Variants in KIAA1217 observed in about 807,000 individuals in gnomAD.
The protein encoded by KIAA1217 is KIAA1217.
In KIAA1217, 88 loss-of-function variants were observed where a neutral mutation model predicts 163.9. The observed-to-expected ratio is 0.54, with a 90% CI of 0.45 to 0.64. The LOEUF is 0.64. Among genes scored for constraint, KIAA1217 ranks in the 30% least tolerant of loss-of-function variants. KIAA1217 has a pLI of 0.00. For synonymous variants in KIAA1217, 903 were observed against 923.1 expected, an observed-to-expected ratio of 0.98 and a Z score of 0.39; for missense variants, 2,372 against 2,475.0, an observed-to-expected ratio of 0.96 and a Z score of 0.88.
intron 2 of KIAA1217, among the ~76,000 whole-genome samples, chr10:24,270,916 A>G (rs189143955): frequency 6.6e-6 from 1 of 152,292 alleles, no homozygotes; most frequent in African/African-American, 2.4e-5. Context: ...TCATACAGCA[A>G]TATTTTTTTG....
chr10:24,079,078 C>G (rs1020451183), intron 2 of KIAA1217, among the ~76,000 whole-genome samples: 1 of 152,226 alleles, frequency 6.6e-6, no homozygotes, highest in African/African-American at 2.4e-5. Context: ...AGAGCAGGAC[C>G]TTTCAAACCT....
chr10:23,895,022 TA>T (rs1448954267), intron 1 of KIAA1217, among the ~76,000 whole-genome samples: 3 of 152,114 alleles, frequency 2.0e-5, no homozygotes, highest in Non-Finnish European at 4.4e-5. Flanking sequence ...ACGTTGGACC[TA>T]AAACCATAAA....
intron 1 of KIAA1217, among the ~76,000 whole-genome samples, chr10:23,776,679 C>CTTTTT (rs34656346): frequency 3.4e-5 from 4 of 117,914 alleles, no homozygotes; most frequent in Admixed American, 9.2e-5. Flanking sequence ...ACTGTGGGTA[C>CTTTTT]TTTTTTTTTT....
chr10:23,804,067 G>A (rs561376074), intron 1 of KIAA1217, among the ~76,000 whole-genome samples: 11 of 152,150 alleles, frequency 7.2e-5, no homozygotes, highest in East Asian at 3.9e-4. Flanking sequence ...AAATATAGGC[G>A]TATGGGCAAA....
chr10:24,452,812 A>G (rs1009588000), intron 5 of KIAA1217, among the ~76,000 whole-genome samples: 1 of 152,312 alleles, frequency 6.6e-6, no homozygotes, highest in Admixed American at 6.5e-5. Context: ...GTTGTAACAC[A>G]AAGGATAAAT....
chr10:23,812,251 T>A (rs1301137961), intron 1 of KIAA1217, among the ~76,000 whole-genome samples: 3 of 152,214 alleles, frequency 2.0e-5, no homozygotes, highest in Non-Finnish European at 4.4e-5. Flanking sequence ...TAAGAAATGA[T>A]AATACACATT....
intron 2 of KIAA1217, among the ~76,000 whole-genome samples, chr10:24,064,820 C>T (rs184247944): frequency 2.0e-3 from 305 of 152,254 alleles, no homozygotes; most frequent in Middle Eastern, 6.8e-3. Flanking sequence ...AATTTCAGAG[C>T]CTGTTATTGG....
At chr10:24,300,567 A>T (rs150554471) in intron 2 of KIAA1217, among the ~76,000 whole-genome samples, 2 of 151,984 alleles carry the variant, frequency 1.3e-5, no homozygotes, top group African/African-American at 4.8e-5. Flanking sequence ...TGGCGTCTGC[A>T]TTCTTTTATT....
rs375697958 is a variant in KIAA1217, at chr10:24,400,962, TACAC to T, written c.553+19929_553+19932del. The stretch of plus-strand genomic sequence containing the variant: ...AACACAAAATTCCAAGCAAGAAACA[TACAC>T]ACACACACACACACACACACACACA... On this transcript the variant is annotated intron_variant, in intron 3 of 20. Coordinates refer to ENST00000376454, the MANE Select transcript of KIAA1217 (RefSeq NM_019590.5). Among the ~76,000 whole-genome samples, 597 of 117,148 alleles carry T rather than the reference TACAC, an allele frequency of 5.1e-3. 9 individuals carry two copies. Among genetic ancestry groups the T allele is most frequent in the African/African-American group, 0.017 (523 of 30,178 alleles). The allele number at this position is 117,148 out of a possible 152,430, so 76.9% of individuals were successfully genotyped here.
intron 2 of KIAA1217, among the ~76,000 whole-genome samples, chr10:24,234,248 G>T (rs898537954): frequency 6.0e-5 from 9 of 150,652 alleles, no homozygotes; most frequent in Non-Finnish European, 8.8e-5. Context: ...TGGTAGCTAT[G>T]TACTGCAAAT....
intron 17 of KIAA1217, among the ~76,000 whole-genome samples, chr10:24,540,351 G>A (rs552120992): frequency 6.9e-4 from 105 of 152,048 alleles, no homozygotes; most frequent in African/African-American, 2.2e-3. Flanking sequence ...CTCCTACCTC[G>A]GCCTCCTGAG....
chr10:24,403,000 G>C (rs1165468692), intron 3 of KIAA1217, among the ~76,000 whole-genome samples: 1 of 152,106 alleles, frequency 6.6e-6, no homozygotes, highest in Non-Finnish European at 1.5e-5. Context: ...TGGTACTGAA[G>C]AAATGGGATC....
chr10:23,915,699 G>A (rs1214312547), intron 1 of KIAA1217, among the ~76,000 whole-genome samples: 1 of 152,148 alleles, frequency 6.6e-6, no homozygotes, highest in Non-Finnish European at 1.5e-5. Context: ...CAGTTATTGG[G>A]AAGGTGCTTC....
chr10:24,101,922 A>T (rs1423248834), intron 2 of KIAA1217, among the ~76,000 whole-genome samples: 1 of 152,076 alleles, frequency 6.6e-6, no homozygotes, highest in Non-Finnish European at 1.5e-5. Context: ...TGGATATGGG[A>T]TTTCTTTGGG....
chr10:23,724,721 CTT>C (rs1396705356), intron 1 of KIAA1217, among the ~76,000 whole-genome samples: 2 of 152,206 alleles, frequency 1.3e-5, no homozygotes, highest in African/African-American at 2.4e-5. Flanking sequence ...ACTACAATCT[CTT>C]TAAGCCGTTC....
intron 6 of KIAA1217, among the ~76,000 whole-genome samples, chr10:24,477,887 A>G (rs1289707044): frequency 6.6e-6 from 1 of 152,236 alleles, no homozygotes; most frequent in Non-Finnish European, 1.5e-5. Flanking sequence ...GAAATGCTTA[A>G]TCTGTGTAAG....
chr10:24,268,350 T>C (rs991582030), intron 2 of KIAA1217, among the ~76,000 whole-genome samples: 1 of 152,190 alleles, frequency 6.6e-6, no homozygotes, highest in African/African-American at 2.4e-5. Context: ...CTCCTGCCAA[T>C]ATATGTCCAT....
At chr10:24,194,123 G>T (rs1273610264) in intron 2 of KIAA1217, among the ~76,000 whole-genome samples, 1 of 152,124 alleles carries the variant, frequency 6.6e-6, no homozygotes, top group African/African-American at 2.4e-5. Flanking sequence ...GCAGGCAGAG[G>T]TTGCAGTGAG....
intron 11 of KIAA1217, among the ~76,000 whole-genome samples, chr10:24,520,688 A>ACACACACACACAC (rs370017339): frequency 3.4e-5 from 4 of 117,412 alleles, no homozygotes; most frequent in Non-Finnish European, 6.7e-5. Flanking sequence ...ACACACACAC[A>ACACACACACACAC]AAAAAAAATT....
Sources: allele counts gnomAD v4.1 joint callset (sites outside exome capture counted in the v4.1 genomes callset), GRCh38; gene constraint gnomAD v4.1.1; transcripts MANE v1.5; gene names NCBI Gene and HGNC (gene_info 2026-07-23, HGNC 2026-07-21).